Variants in GALNT17 observed in about 807,000 individuals in gnomAD.
GALNT17 encodes polypeptide N-acetylgalactosaminyltransferase 17, also known as UDP-GalNAc:polypeptide N-acetylgalactosaminyltransferase-like 3.
Under a neutral mutation model 63.7 loss-of-function variants are expected in GALNT17, and 29 were observed. The observed-to-expected ratio is 0.46, with a 90% confidence interval of 0.34 to 0.62. The LOEUF (loss-of-function observed/expected upper bound fraction) is 0.62, where lower values mean the gene tolerates loss of function less well. Ranked by LOEUF, GALNT17 falls within the 20% of genes least tolerant of loss-of-function variation. GALNT17 has a pLI of 0.01. For missense variants in GALNT17, 603 were observed against 799.6 expected (o/e 0.75, Z 2.97); for synonymous variants, 305 against 318.3 (o/e 0.96, Z 0.45).
chr7:71,223,678 GT>G (rs1789628776), intron 1 of GALNT17, among the ~76,000 whole-genome samples: 1 of 152,090 alleles, frequency 6.6e-6, no homozygotes, highest in Admixed American at 6.5e-5. Context: ...GTACCCAATA[GT>G]TACCTTGTCT....
At chr7:71,518,156 A>G (rs1025881783) in intron 5 of GALNT17, among the ~76,000 whole-genome samples, 1 of 152,124 alleles carries the variant, frequency 6.6e-6, no homozygotes, top group Non-Finnish European at 1.5e-5. Context: ...CTCAAGGGAG[A>G]CATCTTCAGA....
At chr7:71,358,699 G>A (rs1792338331) in intron 2 of GALNT17, among the ~76,000 whole-genome samples, 2 of 152,172 alleles carry the variant, frequency 1.3e-5, no homozygotes, top group Non-Finnish European at 2.9e-5. Flanking sequence ...AACGTGTTCA[G>A]AGATATGTGG....
chr7:71,162,054 C>T (rs1313906815), intron 1 of GALNT17, among the ~76,000 whole-genome samples: 1 of 99,872 alleles, frequency 1.0e-5, no homozygotes, highest in Non-Finnish European at 2.1e-5. Flanking sequence ...CTCCCTTCCT[C>T]CCTTTCCTTC....
chr7:71,142,923 A>C (rs867516082), intron 1 of GALNT17, among the ~76,000 whole-genome samples: 1 of 145,246 alleles, frequency 6.9e-6, no homozygotes, highest in African/African-American at 2.6e-5. Flanking sequence ...CCTGGGCGAC[A>C]GGGCGAGACT....
chr7:71,542,953 T>A (rs1275913016), intron 5 of GALNT17, among the ~76,000 whole-genome samples: 1 of 151,684 alleles, frequency 6.6e-6, no homozygotes, highest in Non-Finnish European at 1.5e-5. Flanking sequence ...GCTGTAAGAC[T>A]GTAGAAATCA....
chr7:71,463,856 T>A (rs1256987418), intron 5 of GALNT17, among the ~76,000 whole-genome samples: 1 of 152,166 alleles, frequency 6.6e-6, no homozygotes, highest in African/African-American at 2.4e-5. Context: ...CATTGCCATC[T>A]TGGTTTTGGT....
chr7:71,154,712 G>A (rs2116227565), intron 1 of GALNT17, among the ~76,000 whole-genome samples: 1 of 152,180 alleles, frequency 6.6e-6, no homozygotes, highest in South Asian at 2.1e-4. Context: ...GAGTAGCTGG[G>A]ACTACAGGCG....
At chr7:71,488,998 A>G (rs1237816601) in intron 5 of GALNT17, among the ~76,000 whole-genome samples, 1 of 136,160 alleles carries the variant, frequency 7.3e-6, no homozygotes, top group Non-Finnish European at 1.5e-5. Context: ...GATTCAAGCG[A>G]TTCTCCTGCC....
rs533952741 is a variant in GALNT17, at chr7:71,711,916, T to G, written c.1669-102T>G. 1.7e-4 allele frequency: 220 copies of G among 1,325,166 alleles called. 7 individuals carry two copies. In the South Asian group the frequency reaches 2.8e-3, roughly 17 times the overall value. The allele number at this position is 1,325,166 out of a possible 1,614,324, so 82.1% of individuals were successfully genotyped here. A position where few individuals can be genotyped will look rare whatever the true frequency, so the allele number is the denominator to read the frequency against. On this transcript the variant is annotated intron_variant, in intron 10 of 10. Coordinates refer to ENST00000333538, the MANE Select transcript of GALNT17 (RefSeq NM_022479.3). ...TCTTCTCTTTTTCTTTTTCTCTTTG[T>G]CATTTTCTCTCTCCTGTCTCTCTTT...
intron 1 of GALNT17, among the ~76,000 whole-genome samples, chr7:71,272,126 A>T (rs1390963084): frequency 6.6e-6 from 1 of 152,216 alleles, no homozygotes. Context: ...TGCAGTATGT[A>T]ACCTTTGGGG....
intron 2 of GALNT17, among the ~76,000 whole-genome samples, chr7:71,380,720 G>A (rs1036582636): frequency 2.0e-5 from 3 of 152,150 alleles, no homozygotes; most frequent in African/African-American, 7.2e-5. Flanking sequence ...AGGCTCTGAG[G>A]TGGGAGGAGG....
chr7:71,658,141 A>C (rs540366382), intron 6 of GALNT17, among the ~76,000 whole-genome samples: 1 of 152,300 alleles, frequency 6.6e-6, no homozygotes, highest in South Asian at 2.1e-4. Context: ...TCCTGGCCTC[A>C]AGGAATCCTG....
chr7:71,253,498 C>T (rs1013957493), intron 1 of GALNT17, among the ~76,000 whole-genome samples: 8 of 151,888 alleles, frequency 5.3e-5, no homozygotes, highest in Non-Finnish European at 1.2e-4. Context: ...CACAGCCAAA[C>T]CATATTACCT....
intron 1 of GALNT17, among the ~76,000 whole-genome samples, chr7:71,208,449 C>CTTT (rs11341410): frequency 9.7e-5 from 11 of 113,456 alleles, no homozygotes; most frequent in Non-Finnish European, 1.6e-4. Context: ...TTAATAAATG[C>CTTT]TTTTTTTTTT....
At position 71,643,192 on chromosome 7, in the gene GALNT17, G is replaced by A. The variant is rs994012889; in HGVS notation, c.1081-22219G>A. 4.6e-5 allele frequency among the ~76,000 whole-genome samples: 7 copies of A among 152,196 alleles called. No individual in the cohort carries two copies. The South Asian group carries it at 1.5e-3, about 32-fold the overall frequency. ...ACTATCAAAACCCAGCCACAGGCCA[G>A]GCGAAGAGGCTCACACCTGTAATCC... On this transcript the variant is annotated intron_variant, in intron 6 of 10. Transcript: ENST00000333538.
intron 5 of GALNT17, among the ~76,000 whole-genome samples, chr7:71,514,849 C>T (rs370265851): frequency 2.0e-5 from 3 of 152,286 alleles, no homozygotes; most frequent in Non-Finnish European, 4.4e-5. Flanking sequence ...ACCCAAATCT[C>T]ATCTTGAATT....
intron 5 of GALNT17, among the ~76,000 whole-genome samples, chr7:71,439,891 G>C (rs915456944): frequency 1.7e-4 from 26 of 151,022 alleles, no homozygotes; most frequent in Non-Finnish European, 3.5e-4. Context: ...TATTTTGGTA[G>C]CTTTAATCCC....
At position 71,432,428 on chromosome 7, in the gene GALNT17, G is replaced by A. The variant is rs562642468; in HGVS notation, c.962+11323G>A. 5.8e-4 allele frequency among the ~76,000 whole-genome samples: 89 copies of A among 152,216 alleles called. 1 individual carries two copies. Among genetic ancestry groups the A allele is most frequent in the Non-Finnish European group, 2.4e-4 (16 of 68,018 alleles). Reference sequence around the variant, plus strand: ...CTTAGCTACTCAACCTCCAGCCCTTGCCCACCAGAAGTTAAACTGCAGTAG... The same window carrying A: ...CTTAGCTACTCAACCTCCAGCCCTTACCCACCAGAAGTTAAACTGCAGTAG... On this transcript the variant is annotated intron_variant, in intron 5 of 10. Transcript: ENST00000333538.
intron 5 of GALNT17, among the ~76,000 whole-genome samples, chr7:71,522,808 G>C (rs74774355): frequency 0.054 from 8,220 of 152,240 alleles, 461 homozygotes; most frequent in African/African-American, 0.14. Context: ...TTTCTTGATT[G>C]ATCTGAGGAT....
Sources: gnomAD v4.1 joint callset for allele counts (sites outside exome capture counted in the v4.1 genomes callset) on GRCh38, gnomAD v4.1.1 for gene constraint, MANE v1.5 for transcripts, NCBI Gene and HGNC (gene_info 2026-07-23, HGNC 2026-07-21) for gene names.